NEK6: variants seen among roughly 807,000 people sequenced by gnomAD.
NEK6 encodes NIMA related kinase 6.
In NEK6, 27 loss-of-function variants were observed where a neutral mutation model predicts 43.5. The observed-to-expected ratio is 0.62, with a 90% confidence interval of 0.46 to 0.86. NEK6 has a LOEUF of 0.86. NEK6 is among the 40% of genes least tolerant of loss of function. The pLI, the probability that NEK6 is intolerant of heterozygous loss-of-function variation, is 0.00. For synonymous variants in NEK6, 167 were observed against 164.1 expected (o/e 1.02, Z -0.14); for missense variants, 318 against 414.4 (o/e 0.77, Z 2.02).
rs374514784 is a variant in NEK6, at chr9:124,298,223, C to T, written c.-29-3713C>T. On this transcript the variant is annotated intron_variant, in intron 1 of 9. Transcript: ENST00000320246. ...CCTTTCTCCCTTCCTCCTTCCCCCT[C>T]GCGCCTCCCCACCTCCTTCCCCTCA... Among the ~76,000 whole-genome samples the T allele has an allele frequency of 7.9e-5, 12 of 152,102 alleles. No homozygotes were observed. In the South Asian group the frequency reaches 1.9e-3, roughly 24 times the overall value.
At chr9:124,282,886 G>T (rs10122424) in intron 1 of NEK6, among the ~76,000 whole-genome samples, 1,926 of 152,192 alleles carry the variant, frequency 0.013, 36 homozygotes, top group African/African-American at 0.044. Context: ...TGCTCTTTTG[G>T]GTTAGAGAGC....
intron 8 of NEK6, among the ~76,000 whole-genome samples, chr9:124,340,553 A>G (rs533842822): frequency 6.6e-6 from 1 of 152,304 alleles, no homozygotes; most frequent in East Asian, 1.9e-4. Flanking sequence ...CTGATAAATG[A>G]CAGACAGGAA....
intron 1 of NEK6, among the ~76,000 whole-genome samples, chr9:124,289,401 A>G (rs905291843): frequency 1.3e-5 from 2 of 151,990 alleles, no homozygotes; most frequent in African/African-American, 4.8e-5. Flanking sequence ...TCTGCCTTCC[A>G]GGGTTGTTTT....
At chr9:124,310,402 AATC>A (rs994784061) in intron 2 of NEK6, among the ~76,000 whole-genome samples, 1 of 152,182 alleles carries the variant, frequency 6.6e-6, no homozygotes, top group African/African-American at 2.4e-5. Flanking sequence ...TGGTGGATAA[AATC>A]ATCATCTTCC....
intron 7 of NEK6, among the ~76,000 whole-genome samples, chr9:124,332,208 G>C (rs1829034985): frequency 6.6e-6 from 1 of 152,246 alleles, no homozygotes; most frequent in Non-Finnish European, 1.5e-5. Flanking sequence ...ATCTGTGCTG[G>C]GCCTGGGCCG....
intron 1 of NEK6, among the ~76,000 whole-genome samples, chr9:124,260,150 G>A (rs1830975646): frequency 1.3e-5 from 2 of 152,142 alleles, no homozygotes; most frequent in Admixed American, 6.5e-5. Context: ...GGCAGAATCC[G>A]AAGTCACCTG....
intron 1 of NEK6, among the ~76,000 whole-genome samples, chr9:124,270,263 C>T (rs1054399967): frequency 2.0e-5 from 3 of 152,168 alleles, no homozygotes; most frequent in Non-Finnish European, 2.9e-5. Flanking sequence ...GCACACAAGA[C>T]GGCAATGAAC....
chr9:124,263,888 A>G (rs1278896369), intron 1 of NEK6, among the ~76,000 whole-genome samples: 1 of 152,256 alleles, frequency 6.6e-6, no homozygotes, highest in East Asian at 1.9e-4. Flanking sequence ...AAGCGAGGCC[A>G]TAAGTCCTCG....
intron 1 of NEK6, chr9:124,292,673 C>A: frequency 2.3e-6 from 3 of 1,286,792 alleles, no homozygotes; most frequent in Non-Finnish European, 3.2e-6. Context: ...GCCCCAGCCT[C>A]TCCCCAGTGG....
At chr9:124,261,311 A>G in intron 1 of NEK6, 1 of 771,324 alleles carries the variant, frequency 1.3e-6, no homozygotes, top group Non-Finnish European at 1.6e-6. Flanking sequence ...TGCCCCAGAT[A>G]CTTTTCATAA....
intron 2 of NEK6, among the ~76,000 whole-genome samples, 188 bp downstream of exon 2, chr9:124,302,242 C>T (rs922534352): frequency 2.0e-5 from 3 of 152,198 alleles, no homozygotes; most frequent in African/African-American, 7.2e-5. Context: ...TTCAGTAATA[C>T]TCAGAGAAGC....
Position 124,326,302 on chromosome 9 carries a change from A to G in NEK6, c.406-28A>G, listed in dbSNP as rs1246844429. ...CCTCCAAGCCCGCTCACCCGGGCCTATCCCTCTGCTTGTCTCCCCCACTGC... is the reference window on the plus strand; with the variant it reads ...CCTCCAAGCCCGCTCACCCGGGCCTGTCCCTCTGCTTGTCTCCCCCACTGC... On this transcript the variant is annotated intron_variant, in intron 5 of 9. Coordinates refer to ENST00000320246, the MANE Select transcript of NEK6 (RefSeq NM_014397.6). This position sits in a 1 kb window ranked among gnomAD's most constrained non-coding sequence, Gnocchi z 4.5. 3 of 1,517,418 alleles carry G rather than the reference A, an allele frequency of 2.0e-6. No individual in the cohort carries two copies. Among genetic ancestry groups the G allele is most frequent in the East Asian group, 2.4e-5 (1 of 42,162 alleles). 94.0% of individuals were successfully genotyped at this position (1,517,418 alleles called of 1,614,324 possible). A position where few individuals can be genotyped will look rare whatever the true frequency, so the allele number is the denominator to read the frequency against.
intron 1 of NEK6, among the ~76,000 whole-genome samples, chr9:124,263,644 C>T (rs548793624): frequency 4.6e-5 from 7 of 152,300 alleles, no homozygotes; most frequent in African/African-American, 1.4e-4. Flanking sequence ...GGTCCGTGGC[C>T]CAGAGTGTCT....
intron 2 of NEK6, among the ~76,000 whole-genome samples, chr9:124,309,129 G>T (rs1268930170): frequency 1.3e-5 from 2 of 152,196 alleles, no homozygotes; most frequent in African/African-American, 4.8e-5. Flanking sequence ...CCTGGGGACA[G>T]CGTCCTGTGG....
At chr9:124,301,851 A>C (rs1832994432) in intron 1 of NEK6, 85 bp from the exon 2 acceptor site, 2 of 1,086,272 alleles carry the variant, frequency 1.8e-6, no homozygotes, top group East Asian at 5.2e-5. Context: ...CAGCTCACGC[A>C]TCTGTAAAAT....
chr9:124,257,991 C>G lies in NEK6; in HGVS notation c.-124C>G, dbSNP rs900205862. 1 of 978,736 alleles carries G rather than the reference C, an allele frequency of 1.0e-6. No individual in the cohort carries two copies. Among genetic ancestry groups the G allele is most frequent in the Non-Finnish European group, 1.2e-6 (1 of 827,404 alleles). The allele number at this position is 978,736 out of a possible 1,614,324, so 60.6% of individuals were successfully genotyped here. ...GGAACCGAGCTGACGGGCGTGCGGCCGCTGCGCCGCAAACTCGTGTGGGAC... is the reference window on the plus strand; with the variant it reads ...GGAACCGAGCTGACGGGCGTGCGGCGGCTGCGCCGCAAACTCGTGTGGGAC... On this transcript the variant is annotated 5_prime_UTR_variant, in exon 1 of 10. Coordinates refer to ENST00000320246, the MANE Select transcript of NEK6 (RefSeq NM_014397.6).
chr9:124,307,232 G>A (rs918476287), intron 2 of NEK6, among the ~76,000 whole-genome samples: 1 of 151,966 alleles, frequency 6.6e-6, no homozygotes, highest in African/African-American at 2.4e-5. Context: ...AATTTGATCT[G>A]ACTTGGAGAA....
chr9:124,352,147 TTG>T lies in NEK6; in HGVS notation c.*1202_*1203del, dbSNP rs1830307373. ...TTTGTACGTAAAGTTAACCTTCCAA[TTG>T]TCTGAGCTGTCGTCACTGACTTCAT... On this transcript the variant is annotated 3_prime_UTR_variant, in exon 10 of 10. Transcript: ENST00000320246. The T allele has an allele frequency of 6.5e-6, 1 of 152,674 alleles. No individual in the cohort carries two copies. The highest frequency in any genetic ancestry group is 2.4e-5 in the African/African-American group (1 of 41,464). The allele number at this position is 152,674 out of a possible 1,614,324, so 9.5% of individuals were successfully genotyped here. A position where few individuals can be genotyped will look rare whatever the true frequency, so the allele number is the denominator to read the frequency against.
At chr9:124,280,691 C>T (rs1831864998) in intron 1 of NEK6, among the ~76,000 whole-genome samples, 1 of 152,228 alleles carries the variant, frequency 6.6e-6, no homozygotes, top group African/African-American at 2.4e-5. Context: ...CGCTCTGTGG[C>T]TAGGCACGGG....
Sources: allele counts gnomAD v4.1 joint callset (sites outside exome capture counted in the v4.1 genomes callset), GRCh38; gene constraint gnomAD v4.1.1; non-coding constraint Gnocchi (gnomAD v3.1); transcripts MANE v1.5; gene names NCBI Gene and HGNC (gene_info 2026-07-23, HGNC 2026-07-21).